Variants in NEK9 observed in about 807,000 individuals in gnomAD.
NEK9 encodes serine/threonine-protein kinase Nek9.
Under a neutral mutation model 123.4 loss-of-function variants are expected in NEK9, and 75 were observed. The ratio of observed to expected loss-of-function variants is 0.61; its 90% CI spans 0.50 to 0.74. The LOEUF (loss-of-function observed/expected upper bound fraction) is 0.74. Among genes scored for constraint, NEK9 ranks in the 30% least tolerant of loss-of-function variants. NEK9 has a pLI of 0.00. For missense variants in NEK9, 952 were observed against 1,214.4 expected (o/e 0.78, Z 3.21); for synonymous variants, 438 against 458.7 (o/e 0.95, Z 0.58).
chr14:75,107,790 G>A (rs1894827869), intron 10 of NEK9, among the ~76,000 whole-genome samples: 1 of 152,130 alleles, frequency 6.6e-6, no homozygotes, highest in African/African-American at 2.4e-5. Context: ...AATGGGCAAA[G>A]GGATTAAACA....
chr14:75,108,499 A>G (rs990923125), intron 10 of NEK9, among the ~76,000 whole-genome samples: 3 of 133,690 alleles, frequency 2.2e-5, no homozygotes, highest in East Asian at 2.2e-4. Context: ...TTATATATAT[A>G]TGTGTGTGCG....
At chr14:75,092,642 T>C (rs1029299885) in intron 18 of NEK9, among the ~76,000 whole-genome samples, 3 of 152,232 alleles carry the variant, frequency 2.0e-5, no homozygotes, top group Non-Finnish European at 2.9e-5. Flanking sequence ...TAATGGCTGA[T>C]TCTTTCATAT....
chr14:75,101,911 C>G, intron 14 of NEK9, 146 bp from the exon 15 acceptor site: 1 of 572,782 alleles, frequency 1.7e-6, no homozygotes, highest in East Asian at 2.7e-5. Context: ...AGTTTTCCAT[C>G]TCCAACAGAA....
rs1258835570 is a variant in NEK9 at position 75,091,887 on chromosome 14, C to CT, written c.2234-410dup. 2.0e-5 allele frequency among the ~76,000 whole-genome samples: 3 copies of CT among 152,126 alleles called. No homozygotes were observed. In the East Asian group the frequency reaches 5.8e-4, roughly 29 times the overall value. ...AGACACTTATCTTATATAAAAAGGT[C>CT]TTTAATATTTGAGCCAAACTCCTCT... On this transcript the variant is annotated intron_variant, in intron 18 of 21. Coordinates refer to ENST00000238616, the MANE Select transcript of NEK9 (RefSeq NM_033116.6).
intron 8 of NEK9, among the ~76,000 whole-genome samples, chr14:75,111,895 A>G (rs1391182717): frequency 6.6e-6 from 1 of 152,204 alleles, no homozygotes; most frequent in East Asian, 1.9e-4. Flanking sequence ...TCATAAAGTA[A>G]ATAAAAGTAA....
chr14:75,107,531 T>G, intron 10 of NEK9, 44 bp from the exon 11 acceptor site: 3 of 1,475,204 alleles, frequency 2.0e-6, no homozygotes, highest in East Asian at 2.5e-5. Context: ...TTAATTACAT[T>G]TTATTAAACT....
intron 3 of NEK9, 113 bp from the exon 4 acceptor site, chr14:75,120,693 A>AT: frequency 3.9e-6 from 3 of 771,116 alleles, no homozygotes; most frequent in Non-Finnish European, 6.4e-6. Flanking sequence ...TTATGATTCA[A>AT]CATGACTTGA....
At chr14:75,116,136 C>T (rs769717754) in intron 6 of NEK9, among the ~76,000 whole-genome samples, 6 of 152,098 alleles carry the variant, frequency 3.9e-5, no homozygotes, top group Admixed American at 2.0e-4. Context: ...AATAAAGGCA[C>T]AAAGAAGTAA....
chr14:75,118,217 T>C (rs1195158561), intron 5 of NEK9, among the ~76,000 whole-genome samples: 1 of 152,000 alleles, frequency 6.6e-6, no homozygotes, highest in African/African-American at 2.4e-5. Context: ...AAAAAAAAAA[T>C]TATTGGCCAA....
At position 75,083,630 on chromosome 14, in the gene NEK9, G is replaced by A. The variant is rs1263646401; in HGVS notation, c.*934C>T. Reference sequence around the variant, plus strand: ...GATCAGAACCCTAAGAGCCATGAAGGCAGAGGCTCAAAGAAGTCTTTTCAT... The same window carrying A: ...GATCAGAACCCTAAGAGCCATGAAGACAGAGGCTCAAAGAAGTCTTTTCAT... On this transcript the variant is annotated 3_prime_UTR_variant, in exon 22 of 22. Transcript: ENST00000238616. The A allele has an allele frequency of 2.6e-5, 4 of 152,254 alleles. No individual in the cohort carries two copies. The highest frequency in any genetic ancestry group is 2.6e-4 in the Admixed American group (4 of 15,266). The allele number at this position is 152,254 out of a possible 1,614,324, so 9.4% of individuals were successfully genotyped here.
At chr14:75,104,749 C>T (rs1485329708) in intron 13 of NEK9, among the ~76,000 whole-genome samples, 1 of 152,222 alleles carries the variant, frequency 6.6e-6, no homozygotes, top group African/African-American at 2.4e-5. Context: ...TCCCAAAGTG[C>T]TGGGATTACA....
At chr14:75,107,036 G>C (rs977898323) in intron 11 of NEK9, among the ~76,000 whole-genome samples, 4 of 151,986 alleles carry the variant, frequency 2.6e-5, no homozygotes, top group African/African-American at 9.7e-5. Flanking sequence ...ACTAAACTTA[G>C]GTCTTGATCC....
At position 75,082,768 on chromosome 14, in the gene NEK9, T is replaced by A; in HGVS notation, c.*1796A>T. ...TGATGAGCATGAGGATACAGGGACA[T>A]GACAGGTCAATCGGTCCTCAAGAAA... On this transcript the variant is annotated 3_prime_UTR_variant, in exon 22 of 22. Transcript: ENST00000238616. 1 of 387,550 alleles carries A rather than the reference T, an allele frequency of 2.6e-6. No individual in the cohort carries two copies. The highest frequency in any genetic ancestry group is 4.6e-6 in the Non-Finnish European group (1 of 219,456). The allele number at this position is 387,550 out of a possible 1,614,324, so 24.0% of individuals were successfully genotyped here.
chr14:75,123,802 A>T (rs1895421838), intron 2 of NEK9, among the ~76,000 whole-genome samples: 1 of 152,236 alleles, frequency 6.6e-6, no homozygotes, highest in African/African-American at 2.4e-5. Flanking sequence ...CCAACCAAAG[A>T]AAAGATAGTT....
chr14:75,087,173 G>C lies in NEK9; in HGVS notation c.2662C>G (p.Pro888Ala). The C allele has an allele frequency of 6.2e-7, 1 of 1,614,160 alleles. No homozygotes were observed. The highest frequency in any genetic ancestry group is 8.5e-7 in the Non-Finnish European group (1 of 1,180,024). ...CAGKGTPLTPPACACSSLQVE... is the reference protein window; with the variant it reads ...CAGKGTPLTPAACACSSLQVE... ...TGCAGAGAGCTGCACGCACACGCAG[G>C]AGGAGTCAGTGGTGTTCCCTTCCCA... The change falls in exon 21 of 22, where the codon CCT (proline) becomes GCT (alanine). Residue 888 changes from proline (P) to alanine (A), a missense_variant. This residue lies in a region of NEK9 where 698 missense variants were observed against 875.6 expected (regional missense o/e 0.80). Coordinates refer to ENST00000238616, the MANE Select transcript of NEK9 (RefSeq NM_033116.6).
At position 75,121,132 on chromosome 14, in the gene NEK9, A is replaced by G. The variant is rs1160844047; in HGVS notation, c.440T>C (p.Leu147Ser). Reference sequence around the variant, plus strand: ...AATATGAATTACCTCTTCCTCAAACAACTTGTCCTTCTGACGAAGGATTTT... The same window carrying G: ...AATATGAATTACCTCTTCCTCAAACGACTTGTCCTTCTGACGAAGGATTTT... ...YDKILRQKDK[L>S]FEEEMVVWYL... The change falls in exon 3 of 22, where the codon TTG (leucine) becomes TCG (serine). Residue 147 changes from leucine (L) to serine (S), a missense_variant. Coordinates refer to ENST00000238616, the MANE Select transcript of NEK9 (RefSeq NM_033116.6). 6.2e-7 allele frequency: 1 copy of G among 1,613,062 alleles called. No individual in the cohort carries two copies. Among genetic ancestry groups the G allele is most frequent in the South Asian group, 1.1e-5 (1 of 91,056 alleles).
intron 13 of NEK9, among the ~76,000 whole-genome samples, chr14:75,105,321 AG>A (rs941979229): frequency 6.6e-6 from 1 of 151,830 alleles, no homozygotes; most frequent in African/African-American, 2.4e-5. Context: ...AAAAAAAAAA[AG>A]AAAACAGAAA....
At chr14:75,122,542 G>T (rs570042045) in intron 2 of NEK9, among the ~76,000 whole-genome samples, 2 of 151,664 alleles carry the variant, frequency 1.3e-5, no homozygotes, top group African/African-American at 4.8e-5. Context: ...ATGGAGTCTC[G>T]CTCTGTCACC....
rs1308169476 is a variant in NEK9, at chr14:75,104,462, G to A, written c.1576-465C>T. Among the ~76,000 whole-genome samples the A allele has an allele frequency of 2.0e-5, 3 of 150,342 alleles. 1 individual carries two copies. The highest frequency in any genetic ancestry group is 4.4e-5 in the Non-Finnish European group (3 of 67,672). On this transcript the variant is annotated intron_variant, in intron 13 of 21. Transcript: ENST00000238616. ...ATTACAGGTGTGAGCCATCACGCCTGGCTGAGACTACTATTTTCTTTTCTT... is the reference window on the plus strand; with the variant it reads ...ATTACAGGTGTGAGCCATCACGCCTAGCTGAGACTACTATTTTCTTTTCTT...
Sources: gnomAD v4.1 joint callset for allele counts (sites outside exome capture counted in the v4.1 genomes callset) on GRCh38, gnomAD v4.1.1 for gene constraint, gnomAD v4.1.1 regional missense constraint, MANE v1.5 for transcripts, NCBI Gene and HGNC (gene_info 2026-07-23, HGNC 2026-07-21) for gene names.